Variants in HSD17B4 observed in about 807,000 individuals in gnomAD.
The protein encoded by HSD17B4 is hydroxysteroid 17-beta dehydrogenase 4, also known as peroxisomal multifunctional enzyme type 2.
Under a neutral mutation model 101.0 loss-of-function variants are expected in HSD17B4, and 70 were observed. The ratio of observed to expected loss-of-function variants is 0.69; its 90% CI spans 0.57 to 0.85. The LOEUF (loss-of-function observed/expected upper bound fraction) is 0.85. Ranked by LOEUF, HSD17B4 falls within the 40% of genes least tolerant of loss-of-function variation. The pLI is 0.00. For synonymous variants in HSD17B4, 347 were observed against 297.1 expected (o/e 1.17, Z -1.73); for missense variants, 984 against 892.4 (o/e 1.10, Z -1.31).
intron 8 of HSD17B4, among the ~76,000 whole-genome samples, chr5:119,483,576 T>C (rs943126376): frequency 6.6e-5 from 10 of 152,168 alleles, no homozygotes; most frequent in African/African-American, 1.9e-4. Flanking sequence ...TCATGTTCCA[T>C]AATTTTAAAA....
At chr5:119,524,556 C>G (rs1165340081) in intron 17 of HSD17B4, among the ~76,000 whole-genome samples, 2 of 152,128 alleles carry the variant, frequency 1.3e-5, no homozygotes, top group Non-Finnish European at 2.9e-5. Flanking sequence ...TGCTTTCTAA[C>G]TTGGAAGAAT....
intron 19 of HSD17B4, 42 bp downstream of exon 19, chr5:119,526,065 T>G: frequency 9.1e-7 from 1 of 1,094,764 alleles, no homozygotes; most frequent in Admixed American, 1.7e-5. Context: ...TACTTCCTTT[T>G]TCTATCTTTA....
At chr5:119,484,157 A>G (rs1421030553) in intron 8 of HSD17B4, among the ~76,000 whole-genome samples, 1 of 152,166 alleles carries the variant, frequency 6.6e-6, no homozygotes, top group Non-Finnish European at 1.5e-5. Context: ...ACAGTGAGCT[A>G]CGGTTGCACC....
At chr5:119,502,476 A>G (rs906471634) in intron 14 of HSD17B4, among the ~76,000 whole-genome samples, 4 of 152,008 alleles carry the variant, frequency 2.6e-5, no homozygotes, top group Admixed American at 6.6e-5. Flanking sequence ...ATGTTAAAAG[A>G]TACAGAATTT....
chr5:119,489,130 T>C (rs1403264162), intron 8 of HSD17B4, 62 bp from the exon 9 acceptor site: 1 of 1,130,834 alleles, frequency 8.8e-7, no homozygotes, highest in Non-Finnish European at 1.3e-6. Context: ...TATAATTTTA[T>C]AAGTAAGAAA....
At chr5:119,532,650 C>T (rs1343570099) in intron 22 of HSD17B4, among the ~76,000 whole-genome samples, 1 of 151,890 alleles carries the variant, frequency 6.6e-6, no homozygotes, top group East Asian at 1.9e-4. Flanking sequence ...AATTTCTAAA[C>T]CCAGCCAGAA....
At chr5:119,471,642 A>G in intron 2 of HSD17B4, 1 of 1,365,888 alleles carries the variant, frequency 7.3e-7, no homozygotes, top group East Asian at 2.7e-5. Flanking sequence ...ACAGCTTTCA[A>G]AATCTATGCA....
intron 2 of HSD17B4, among the ~76,000 whole-genome samples, chr5:119,465,187 A>G (rs543474342): frequency 7.9e-5 from 12 of 152,264 alleles, no homozygotes; most frequent in Admixed American, 6.5e-4. Context: ...CTTCCAATCC[A>G]TGAATGGGTT....
chr5:119,532,106 C>T (rs371950214), intron 22 of HSD17B4, among the ~76,000 whole-genome samples: 1 of 152,096 alleles, frequency 6.6e-6, no homozygotes, highest in Non-Finnish European at 1.5e-5. Context: ...CTGTGTAACT[C>T]ACATCCTTAA....
intron 17 of HSD17B4, among the ~76,000 whole-genome samples, chr5:119,517,483 G>A (rs982468050): frequency 3.9e-5 from 6 of 152,250 alleles, no homozygotes; most frequent in African/African-American, 1.4e-4. Flanking sequence ...AAGGGCTGAG[G>A]AGTGCGAGCG....
chr5:119,521,962 G>A (rs975450492), intron 17 of HSD17B4, among the ~76,000 whole-genome samples: 31 of 150,702 alleles, frequency 2.1e-4, no homozygotes, highest in Non-Finnish European at 5.9e-5. Context: ...TATACTTTAA[G>A]TTCTAGGGTA....
Position 119,483,304 on chromosome 5 carries a change from T to G in HSD17B4, c.622+4283T>G, listed in dbSNP as rs540856680. ...TCTCAGTAAGCTGGGTTTTCTGAAT[T>G]TGCCTGTGTCTCCAGTTTTCCTGAT... On this transcript the variant is annotated intron_variant, in intron 8 of 23. Transcript: ENST00000510025. Among the ~76,000 whole-genome samples, 61 of 152,280 alleles carry G rather than the reference T, an allele frequency of 4.0e-4. 1 individual carries two copies. The highest frequency in any genetic ancestry group is 1.3e-3 in the African/African-American group (54 of 41,576).
intron 8 of HSD17B4, among the ~76,000 whole-genome samples, chr5:119,483,202 C>T (rs1336948809): frequency 6.6e-6 from 1 of 152,096 alleles, no homozygotes; most frequent in Non-Finnish European, 1.5e-5. Flanking sequence ...TAAGATGAAA[C>T]AAGTCCACAT....
chr5:119,527,615 A>G (rs537606331), intron 20 of HSD17B4, among the ~76,000 whole-genome samples: 23 of 152,236 alleles, frequency 1.5e-4, no homozygotes, highest in African/African-American at 5.3e-4. Context: ...ACAGAAATCT[A>G]TCTGACTCAT....
chr5:119,494,325 T>TTTTCTTTCTTTTC (rs1554064682), intron 11 of HSD17B4, among the ~76,000 whole-genome samples: 59 of 111,612 alleles, frequency 5.3e-4, no homozygotes, highest in African/African-American at 2.0e-3. Context: ...TCTTTCTTTC[T>TTTTCTTTCTTTTC]TTTCTTTCTT....
At chr5:119,461,477 C>T (rs985415471) in intron 2 of HSD17B4, among the ~76,000 whole-genome samples, 2 of 152,156 alleles carry the variant, frequency 1.3e-5, no homozygotes, top group East Asian at 1.9e-4. Flanking sequence ...CTCACAAACA[C>T]GTGGTTCTAT....
chr5:119,540,231 T>G (rs542889849), intron 23 of HSD17B4, among the ~76,000 whole-genome samples: 45 of 152,330 alleles, frequency 3.0e-4, no homozygotes, highest in Non-Finnish European at 6.2e-4. Context: ...ATGAAGTAGT[T>G]CAAAACAATT....
chr5:119,482,142 T>C (rs1363098091), intron 8 of HSD17B4, among the ~76,000 whole-genome samples: 2 of 152,178 alleles, frequency 1.3e-5, no homozygotes, highest in Admixed American at 6.6e-5. Context: ...TGTATGCATG[T>C]TACATCTTCT....
intron 10 of HSD17B4, 29 bp downstream of exon 10, chr5:119,492,153 T>C (rs1750167861): frequency 6.4e-7 from 1 of 1,563,420 alleles, no homozygotes; most frequent in African/African-American, 1.4e-5. Context: ...TTGGTTTGTA[T>C]AGATTATTTC....
Sources: allele counts gnomAD v4.1 joint callset (sites outside exome capture counted in the v4.1 genomes callset), GRCh38; gene constraint gnomAD v4.1.1; transcripts MANE v1.5; gene names NCBI Gene and HGNC (gene_info 2026-07-23, HGNC 2026-07-21).